The following RORB variants were observed in gnomAD, a reference collection of about 807,000 sequenced individuals.
RORB encodes nuclear receptor ROR-beta.
In RORB, 6 loss-of-function variants were observed where a neutral mutation model predicts 59.1. The ratio of observed to expected loss-of-function variants is 0.10; its 90% CI spans 0.06 to 0.20. The LOEUF (loss-of-function observed/expected upper bound fraction) is 0.20. Ranked by LOEUF, RORB falls within the 10% of genes least tolerant of loss-of-function variation. RORB has a pLI of 1.00. For missense variants in RORB, 320 were observed against 560.5 expected (o/e 0.57, Z 4.33); for synonymous variants, 215 against 204.5 (o/e 1.05, Z -0.44).
At chr9:74,594,558 T>C (rs1259616931) in intron 1 of RORB, among the ~76,000 whole-genome samples, 1 of 152,192 alleles carries the variant, frequency 6.6e-6, no homozygotes, top group Non-Finnish European at 1.5e-5. Context: ...CATTCATATA[T>C]ATGAGACAGA....
chr9:74,617,964 A>G (rs562049362), intron 1 of RORB, among the ~76,000 whole-genome samples: 107 of 152,328 alleles, frequency 7.0e-4, no homozygotes, highest in South Asian at 1.5e-3. Context: ...CTTTTATTTC[A>G]AGATTCAATT....
intron 2 of RORB, among the ~76,000 whole-genome samples, chr9:74,631,184 A>C (rs1043117461): frequency 6.6e-6 from 1 of 152,372 alleles, no homozygotes; most frequent in Admixed American, 6.5e-5. Flanking sequence ...GAGAATGTTG[A>C]AATTTAACAG....
At chr9:74,517,284 A>T (rs941045920) in intron 1 of RORB, among the ~76,000 whole-genome samples, 1 of 151,932 alleles carries the variant, frequency 6.6e-6, no homozygotes, top group Non-Finnish European at 1.5e-5. Flanking sequence ...CTTTATTCCC[A>T]TGATTCCAAT....
chr9:74,631,284 G>T (rs943984869), intron 2 of RORB, among the ~76,000 whole-genome samples: 17 of 152,212 alleles, frequency 1.1e-4, no homozygotes, highest in African/African-American at 4.1e-4. Flanking sequence ...TATAGCTAAC[G>T]CTAAAGGACC....
intron 1 of RORB, among the ~76,000 whole-genome samples, chr9:74,575,899 A>C (rs1369040171): frequency 6.6e-6 from 1 of 152,232 alleles, no homozygotes; most frequent in African/African-American, 2.4e-5. Context: ...TAAATGAAAA[A>C]GCCCTGTGAA....
chr9:74,559,172 G>A (rs1183160655), intron 1 of RORB, among the ~76,000 whole-genome samples: 9 of 152,114 alleles, frequency 5.9e-5, no homozygotes, highest in Admixed American at 1.3e-4. Context: ...CTACTGTTTC[G>A]AAAAATCCAA....
intron 1 of RORB, among the ~76,000 whole-genome samples, chr9:74,610,267 C>T (rs1823214650): frequency 6.6e-6 from 1 of 152,186 alleles, no homozygotes; most frequent in Admixed American, 6.5e-5. Context: ...TGATGTAAAT[C>T]TCTTGGGAAT....
At chr9:74,617,845 T>C (rs964919871) in intron 1 of RORB, among the ~76,000 whole-genome samples, 4 of 152,206 alleles carry the variant, frequency 2.6e-5, no homozygotes, top group Non-Finnish European at 5.9e-5. Flanking sequence ...AAAGGCCACC[T>C]GGGTAAAGAC....
chr9:74,654,333 GGAGAGAGAGAGAGA>G (rs60137307), intron 4 of RORB, among the ~76,000 whole-genome samples: 47 of 138,676 alleles, frequency 3.4e-4, no homozygotes, highest in Non-Finnish European at 4.1e-4. Flanking sequence ...CAGTCTCAGG[GGAGAGAGAGAGAGA>G]GAGAGAGAGA....
At chr9:74,585,889 G>A (rs910552782) in intron 1 of RORB, among the ~76,000 whole-genome samples, 1 of 151,840 alleles carries the variant, frequency 6.6e-6, no homozygotes, top group Non-Finnish European at 1.5e-5. Context: ...CCGCCTCCCG[G>A]GTTCACGCCA....
At chr9:74,577,727 T>G (rs1323356) in intron 1 of RORB, among the ~76,000 whole-genome samples, 94,278 of 151,852 alleles carry the variant, frequency 0.62, 29,665 homozygotes, top group East Asian at 0.85. Context: ...TCACTGATCC[T>G]CAGATTCCCA....
At position 74,662,596 on chromosome 9, in the gene RORB, T is replaced by G; in HGVS notation, c.882T>G (p.Leu294=). The G allele has an allele frequency of 6.2e-7, 1 of 1,613,790 alleles. No homozygotes were observed. The highest frequency in any genetic ancestry group is 8.5e-7 in the Non-Finnish European group (1 of 1,180,008). ...MELCQNDQIL[L]LKSGCLEVVL... is the part of the protein sequence containing the mutation. The stretch of plus-strand genomic sequence containing the variant: ...TCTGTCAAAATGATCAAATTCTACT[T>G]CTGAAGTCAGGTAAGCAAGAAGATT... The change falls in exon 6 of 10, where the codon CTT becomes CTG. Residue 294 remains leucine, a synonymous_variant. Coordinates refer to ENST00000376896, the MANE Select transcript of RORB (RefSeq NM_006914.4).
intron 1 of RORB, among the ~76,000 whole-genome samples, chr9:74,580,984 G>A (rs1342032907): frequency 6.6e-6 from 1 of 152,136 alleles, no homozygotes. Flanking sequence ...CTGTGGGGAG[G>A]AGCCAGAATT....
chr9:74,524,228 A>C (rs960579338), intron 1 of RORB, among the ~76,000 whole-genome samples: 6 of 151,754 alleles, frequency 4.0e-5, no homozygotes, highest in Non-Finnish European at 7.4e-5. Flanking sequence ...AGTGAAGAGA[A>C]GACTGTGGAA....
intron 1 of RORB, among the ~76,000 whole-genome samples, chr9:74,537,953 C>G (rs896828217): frequency 6.6e-5 from 10 of 152,218 alleles, no homozygotes; most frequent in African/African-American, 2.2e-4. Context: ...CTCTCACTCA[C>G]TGACTCATCC....
chr9:74,501,780 A>G (rs1339596490), intron 1 of RORB, among the ~76,000 whole-genome samples: 1 of 152,218 alleles, frequency 6.6e-6, no homozygotes, highest in Admixed American at 6.5e-5. Flanking sequence ...TGGGATAGGT[A>G]TTAGTACCAC....
At chr9:74,603,560 CTAAT>C in intron 1 of RORB, among the ~76,000 whole-genome samples, 2 of 152,312 alleles carry the variant, frequency 1.3e-5, no homozygotes, top group South Asian at 4.1e-4. Context: ...AGGCAAGACT[CTAAT>C]TAACTATCAC....
chr9:74,677,353 T>C (rs989591944), intron 9 of RORB, among the ~76,000 whole-genome samples: 1 of 152,214 alleles, frequency 6.6e-6, no homozygotes, highest in Non-Finnish European at 1.5e-5. Context: ...GGCTTTAGAC[T>C]TATATATACT....
intron 1 of RORB, among the ~76,000 whole-genome samples, chr9:74,572,116 A>G (rs1164382177): frequency 1.3e-5 from 2 of 152,148 alleles, no homozygotes; most frequent in African/African-American, 4.8e-5. Context: ...TCCCTAGAGT[A>G]ACTATTATTG....
Sources: gnomAD v4.1 joint callset for allele counts (sites outside exome capture counted in the v4.1 genomes callset) on GRCh38, gnomAD v4.1.1 for gene constraint, MANE v1.5 for transcripts, NCBI Gene and HGNC (gene_info 2026-07-23, HGNC 2026-07-21) for gene names.